TENM2: variants seen among roughly 807,000 people sequenced by gnomAD.
The protein encoded by TENM2 is teneurin-2.
A neutral mutation model predicts 245.2 loss-of-function variants in TENM2; 52 were observed. The observed-to-expected ratio is 0.21, with a 90% CI of 0.17 to 0.27. The LOEUF (loss-of-function observed/expected upper bound fraction) is 0.27, where lower values mean the gene tolerates loss of function less well. Among genes scored for constraint, TENM2 ranks in the 10% least tolerant of loss-of-function variants. The pLI is 1.00. For missense variants in TENM2, 3,046 were observed against 3,666.8 expected, an observed-to-expected ratio of 0.83 and a Z score of 4.37; for synonymous variants, 1,363 against 1,438.9, an observed-to-expected ratio of 0.95 and a Z score of 1.19.
At chr5:167,423,784 G>A (rs1195538047) in intron 2 of TENM2, among the ~76,000 whole-genome samples, 2 of 151,954 alleles carry the variant, frequency 1.3e-5, no homozygotes, top group Non-Finnish European at 2.9e-5. Flanking sequence ...ATTCACCCTC[G>A]GCCGTAAGTG....
At chr5:168,066,332 C>G (rs1477354667) in intron 7 of TENM2, among the ~76,000 whole-genome samples, 1 of 152,164 alleles carries the variant, frequency 6.6e-6, no homozygotes, top group Non-Finnish European at 1.5e-5. Context: ...TGGAGGAGGA[C>G]ATACCATCAG....
intron 1 of TENM2, among the ~76,000 whole-genome samples, chr5:167,370,564 T>A (rs969246988): frequency 3.9e-5 from 6 of 152,206 alleles, no homozygotes; most frequent in African/African-American, 7.2e-5. Context: ...TATTATAGAT[T>A]GCATGTAATC....
chr5:167,719,998 G>C (rs1029527253), intron 2 of TENM2, among the ~76,000 whole-genome samples: 6 of 152,102 alleles, frequency 3.9e-5, no homozygotes, highest in Admixed American at 6.6e-5. Flanking sequence ...TTAAAAAGAG[G>C]GGGGGGCTTG....
At chr5:168,082,196 G>C (rs1792065585) in intron 7 of TENM2, among the ~76,000 whole-genome samples, 1 of 152,026 alleles carries the variant, frequency 6.6e-6, no homozygotes, top group South Asian at 2.1e-4. Context: ...TTAAATCACT[G>C]ATACTCTTTT....
chr5:168,226,039 C>G, intron 23 of TENM2, 49 bp from the exon 26 acceptor site: 1 of 1,550,444 alleles, frequency 6.4e-7, no homozygotes, highest in Non-Finnish European at 8.8e-7. Context: ...CTGTCAGCCC[C>G]AATGACTGCT....
At chr5:167,276,286 C>T in the TENM2 span, among the ~76,000 whole-genome samples, 14 of 151,134 alleles carry the variant, frequency 9.3e-5, no homozygotes, top group Non-Finnish European at 1.9e-4. Context: ...TGTTGTAGAA[C>T]TGGTGTCAAT....
intron 4 of TENM2, among the ~76,000 whole-genome samples, chr5:167,984,857 T>C (rs1328006845): frequency 6.6e-6 from 1 of 152,150 alleles, no homozygotes; most frequent in African/African-American, 2.4e-5. Context: ...TTTTGCTTTC[T>C]CTCCACGTTC....
At chr5:167,183,774 G>A in the TENM2 span, among the ~76,000 whole-genome samples, 8 of 152,036 alleles carry the variant, frequency 5.3e-5, no homozygotes, top group Non-Finnish European at 8.8e-5. Context: ...AACCACCTGA[G>A]CCGTGAGAAA....
chr5:167,192,204 G>A, the TENM2 span, among the ~76,000 whole-genome samples: 1 of 151,900 alleles, frequency 6.6e-6, no homozygotes, highest in African/African-American at 2.4e-5. Context: ...GCAGTACCAG[G>A]GTCCATTCAA....
intron 2 of TENM2, among the ~76,000 whole-genome samples, chr5:167,636,329 C>T (rs17068874): frequency 1.3e-5 from 2 of 152,170 alleles, no homozygotes; most frequent in African/African-American, 4.8e-5. Context: ...ATACAATTAG[C>T]TAAATGATTC....
chr5:167,473,205 G>T (rs889035584), intron 2 of TENM2, among the ~76,000 whole-genome samples: 1 of 152,126 alleles, frequency 6.6e-6, no homozygotes, highest in African/African-American at 2.4e-5. Flanking sequence ...GAGCATAACT[G>T]CCCTTTAGGT....
In TENM2 at chr5:167,364,206, C is replaced by T. The variant is rs183932693; in HGVS notation, c.227-10992C>T. On this transcript the variant is annotated intron_variant, in intron 1 of 28. Transcript: ENST00000518659. ...TTTATATTAAGAAATCATGAATTTA[C>T]AGAAATAGAGGCACAAAATATATCA... Among the ~76,000 whole-genome samples the T allele has an allele frequency of 1.1e-4, 17 of 151,924 alleles. 1 individual carries two copies. Among genetic ancestry groups the T allele is most frequent in the Middle Eastern group, 3.4e-3 (1 of 294 alleles).
At chr5:168,093,087 G>A (rs1793080711) in intron 8 of TENM2, among the ~76,000 whole-genome samples, 1 of 152,212 alleles carries the variant, frequency 6.6e-6, no homozygotes, top group African/African-American at 2.4e-5. Context: ...ACTTTCCAGA[G>A]CCTGTGCTTT....
intron 1 of TENM2, among the ~76,000 whole-genome samples, chr5:167,360,243 A>C (rs1341036722): frequency 6.6e-6 from 1 of 152,334 alleles, no homozygotes; most frequent in South Asian, 2.1e-4. Flanking sequence ...CGCCCTAAAA[A>C]AGGTGTCAGA....
chr5:167,565,307 A>T (rs73801284), intron 2 of TENM2, among the ~76,000 whole-genome samples: 1 of 152,180 alleles, frequency 6.6e-6, no homozygotes, highest in Non-Finnish European at 1.5e-5. Flanking sequence ...TTTCTGTACA[A>T]TTGTAAACTT....
chr5:167,136,058 C>T, the TENM2 span, among the ~76,000 whole-genome samples: 1 of 152,196 alleles, frequency 6.6e-6, no homozygotes, highest in African/African-American at 2.4e-5. Context: ...CTAAGCCTCA[C>T]ATTTGAGAGA....
At chr5:168,239,780 T>C (rs1765922580) in intron 25 of TENM2, among the ~76,000 whole-genome samples, 1 of 152,214 alleles carries the variant, frequency 6.6e-6, no homozygotes, top group Non-Finnish European at 1.5e-5. Context: ...TATGTACATC[T>C]ATACACACAT....
At chr5:167,343,142 G>T (rs1271481801) in intron 1 of TENM2, among the ~76,000 whole-genome samples, 1 of 151,962 alleles carries the variant, frequency 6.6e-6, no homozygotes, top group Non-Finnish European at 1.5e-5. Context: ...CTTGCACCTG[G>T]CTCCTGTGTC....
At chr5:167,123,810 A>C in the TENM2 span, among the ~76,000 whole-genome samples, 1 of 152,340 alleles carries the variant, frequency 6.6e-6, no homozygotes, top group Non-Finnish European at 1.5e-5. Context: ...ATTCTGCCAA[A>C]AGTACAGAAA....
Sources: allele counts gnomAD v4.1 joint callset (sites outside exome capture counted in the v4.1 genomes callset), GRCh38; gene constraint gnomAD v4.1.1; transcripts MANE v1.5; gene names NCBI Gene and HGNC (gene_info 2026-07-23, HGNC 2026-07-21).